The following CLEC4C variants were observed in gnomAD, a reference collection of about 807,000 sequenced individuals.
CLEC4C encodes the protein C-type (calcium dependent, carbohydrate-recognition domain) lectin, superfamily member 11.
A neutral mutation model predicts 27.7 loss-of-function variants in CLEC4C; 17 were observed. The observed-to-expected ratio is 0.61, with a 90% CI of 0.42 to 0.92. The LOEUF is 0.92. CLEC4C is among the 40% of genes least tolerant of loss of function. CLEC4C has a pLI of 0.00. For synonymous variants in CLEC4C, 80 were observed against 80.8 expected (o/e 0.99, Z 0.06); for missense variants, 244 against 257.3 (o/e 0.95, Z 0.35).
intron 4 of CLEC4C, among the ~76,000 whole-genome samples, chr12:7,733,524 C>T (rs1864647673): frequency 6.7e-6 from 1 of 149,168 alleles, no homozygotes. Flanking sequence ...CTCTGTCGCC[C>T]AGGCTAGAGT....
chr12:7,734,967 G>A (rs1002174200), intron 4 of CLEC4C, among the ~76,000 whole-genome samples: 1 of 152,018 alleles, frequency 6.6e-6, no homozygotes, highest in African/African-American at 2.4e-5. Flanking sequence ...TTGGGAGACC[G>A]AGGCAGGCTG....
chr12:7,729,894 T>G (rs1329270230), intron 5 of CLEC4C, among the ~76,000 whole-genome samples, 154 bp from the exon 6 acceptor site: 1 of 152,190 alleles, frequency 6.6e-6, no homozygotes, highest in African/African-American at 2.4e-5. Context: ...TAAAACCTCA[T>G]GTTCAGGCAG....
intron 4 of CLEC4C, among the ~76,000 whole-genome samples, chr12:7,732,078 G>A (rs1343206353): frequency 2.6e-5 from 4 of 152,164 alleles, no homozygotes; most frequent in Non-Finnish European, 5.9e-5. Flanking sequence ...TACCCAGGCT[G>A]GAGTGCAGTG....
intron 2 of CLEC4C, among the ~76,000 whole-genome samples, chr12:7,743,658 G>A (rs972146980): frequency 2.6e-5 from 4 of 151,846 alleles, no homozygotes; most frequent in Admixed American, 6.6e-5. Flanking sequence ...CACCACGCCC[G>A]GCCTTAATTC....
chr12:7,737,359 C>G, intron 4 of CLEC4C, 70 bp downstream of exon 4: 1 of 1,009,470 alleles, frequency 9.9e-7, no homozygotes, highest in Middle Eastern at 2.4e-4. Context: ...ACTTTCAGGG[C>G]AATAAAAAGA....
At chr12:7,730,247 G>GA (rs1178695736) in intron 5 of CLEC4C, among the ~76,000 whole-genome samples, 5 of 152,030 alleles carry the variant, frequency 3.3e-5, no homozygotes, top group Non-Finnish European at 7.4e-5. Flanking sequence ...TCTTCTATCT[G>GA]AAAAAATGGG....
chr12:7,729,729 G>A lies in CLEC4C; in HGVS notation c.509C>T (p.Ser170Leu), dbSNP rs1366401494. ...CTCATCAAGGTTATTGGGTTCACCTGAGTGCCAGAATCTGAAAGGTAGATA... is the reference window on the plus strand; with the variant it reads ...CTCATCAAGGTTATTGGGTTCACCTAAGTGCCAGAATCTGAAAGGTAGATA... ...PYNENVTFWH[S>L]GEPNNLDERC... is the part of the protein sequence containing the mutation. Residue 170 changes from serine to leucine, a missense_variant, in exon 6 of 6, where the codon TCA (serine) becomes TTA (leucine). Physicochemically the swap from Ser to Leu is moderately radical, Grantham distance 145. Coordinates refer to ENST00000360345, the MANE Select transcript of CLEC4C (RefSeq NM_001371390.1). 1 of 1,613,762 alleles carries A rather than the reference G, an allele frequency of 6.2e-7. No homozygotes were observed. The highest frequency in any genetic ancestry group is 8.5e-7 in the Non-Finnish European group (1 of 1,179,908).
intron 4 of CLEC4C, among the ~76,000 whole-genome samples, chr12:7,734,640 CT>C (rs1864679708): frequency 6.6e-6 from 1 of 151,782 alleles, no homozygotes; most frequent in South Asian, 2.1e-4. Flanking sequence ...CCTCTGCCCC[CT>C]GGGTTCAAGT....
chr12:7,745,449 T>TC (rs1864952620), intron 2 of CLEC4C, among the ~76,000 whole-genome samples: 2 of 137,146 alleles, frequency 1.5e-5, no homozygotes, highest in Non-Finnish European at 3.2e-5. Flanking sequence ...TTTTTTTTTT[T>TC]TGAGACAGAG....
chr12:7,746,368 G>C lies in CLEC4C; in HGVS notation c.87C>G (p.Ile29Met). ...CAGTGAAACAGACACTGAGGAGCAAGATGGATACGACTGCCATGGACCAGA... is the reference window on the plus strand; with the variant it reads ...CAGTGAAACAGACACTGAGGAGCAACATGGATACGACTGCCATGGACCAGA... Reference protein sequence around the residue: ...LKVWSMAVVSILLLSVCFTVS... With the variant: ...LKVWSMAVVSMLLLSVCFTVS... The change falls in exon 2 of 6, where the codon ATC becomes ATG. Residue 29 changes from isoleucine to methionine, a missense_variant. Coordinates refer to ENST00000360345, the MANE Select transcript of CLEC4C (RefSeq NM_001371390.1). The C allele has an allele frequency of 6.2e-7, 1 of 1,613,884 alleles. No homozygotes were observed. The highest frequency in any genetic ancestry group is 8.5e-7 in the Non-Finnish European group (1 of 1,179,804).
At chr12:7,749,505 T>C (rs2120463424), upstream of CLEC4C, 1 of 151,464 alleles carries the variant, frequency 6.6e-6, no homozygotes. Context: ...CAGTGAGCCG[T>C]AATCGTACCA....
At chr12:7,738,791 C>T (rs1170833928) in intron 3 of CLEC4C, among the ~76,000 whole-genome samples, 2 of 152,228 alleles carry the variant, frequency 1.3e-5, no homozygotes, top group Non-Finnish European at 2.9e-5. Flanking sequence ...GCATGAGCCA[C>T]TGAGCCTGGC....
chr12:7,734,096 A>C lies in CLEC4C; in HGVS notation c.382-3184T>G, dbSNP rs1164045715. On this transcript the variant is annotated intron_variant, in intron 4 of 5. Coordinates refer to ENST00000360345, the MANE Select transcript of CLEC4C (RefSeq NM_001371390.1). ...TACAAACAAGAAAAGATATTTTGAC[A>C]TAGGTTTTCAGATTATTTTGAATGT... 5.9e-5 allele frequency among the ~76,000 whole-genome samples: 9 copies of C among 152,236 alleles called. No individual in the cohort carries two copies. In the South Asian group the frequency reaches 1.9e-3, roughly 32 times the overall value.
intron 2 of CLEC4C, among the ~76,000 whole-genome samples, chr12:7,742,767 A>G (rs1443830793): frequency 6.6e-6 from 1 of 151,876 alleles, no homozygotes; most frequent in Non-Finnish European, 1.5e-5. Context: ...CCGAGATCGC[A>G]CCACTGCACT....
intron 4 of CLEC4C, among the ~76,000 whole-genome samples, chr12:7,734,151 G>T (rs971259349): frequency 3.9e-5 from 6 of 152,134 alleles, no homozygotes; most frequent in Non-Finnish European, 7.4e-5. Context: ...ATTGTTAGTG[G>T]TTTGTGTGCT....
intron 3 of CLEC4C, among the ~76,000 whole-genome samples, chr12:7,739,994 C>A (rs1357123811): frequency 6.6e-6 from 1 of 151,828 alleles, no homozygotes; most frequent in African/African-American, 2.4e-5. Context: ...GACACCACGC[C>A]CGGGTAATTT....
intron 4 of CLEC4C, among the ~76,000 whole-genome samples, chr12:7,735,376 G>A (rs2110089): frequency 0.037 from 5,550 of 150,540 alleles, 158 homozygotes; most frequent in Middle Eastern, 0.058. Context: ...GGTTGCAGGC[G>A]CCTGTAATCC....
intron 4 of CLEC4C, among the ~76,000 whole-genome samples, chr12:7,733,600 G>T (rs1864649872): frequency 1.3e-5 from 2 of 150,506 alleles, no homozygotes; most frequent in African/African-American, 2.5e-5. Flanking sequence ...TCCTGCCTCA[G>T]CCTCCCGAGT....
At chr12:7,745,974 G>C (rs1736917122) in intron 2 of CLEC4C, among the ~76,000 whole-genome samples, 2 of 151,868 alleles carry the variant, frequency 1.3e-5, no homozygotes, top group African/African-American at 4.8e-5. Flanking sequence ...CCAGCACTTT[G>C]GGAGGCCAAG....
Sources: allele counts gnomAD v4.1 joint callset (sites outside exome capture counted in the v4.1 genomes callset), GRCh38; gene constraint gnomAD v4.1.1; transcripts MANE v1.5; gene names NCBI Gene and HGNC (gene_info 2026-07-23, HGNC 2026-07-21).